The following WTIP variants were observed in gnomAD, a reference collection of about 807,000 sequenced individuals.
WTIP encodes WT1 interacting protein.
Under a neutral mutation model 41.7 loss-of-function variants are expected in WTIP, and 23 were observed. The ratio of observed to expected loss-of-function variants is 0.55; its 90% CI spans 0.40 to 0.78. The LOEUF (loss-of-function observed/expected upper bound fraction) is 0.78. Among genes scored for constraint, WTIP ranks in the 30% least tolerant of loss-of-function variants. The pLI, the probability that WTIP is intolerant of heterozygous loss-of-function variation, is 0.00. For missense variants in WTIP, 619 were observed against 610.5 expected, an observed-to-expected ratio of 1.01 and a Z score of -0.15; for synonymous variants, 314 against 269.9, an observed-to-expected ratio of 1.16 and a Z score of -1.60.
Position 34,500,439 on chromosome 19 carries a change from G to T in WTIP, c.*170G>T, listed in dbSNP as rs566131515. On this transcript the variant is annotated 3_prime_UTR_variant, in exon 8 of 8. Transcript: ENST00000590071. The stretch of plus-strand genomic sequence containing the variant: ...AAGCTTCTATTTATTCACCGTCTGT[G>T]CCTGCTCAAGTCACTTCCCTGCGGG... 9 of 977,024 alleles carry T rather than the reference G, an allele frequency of 9.2e-6. No homozygotes were observed. In the African/African-American group the frequency reaches 9.8e-5, roughly 11 times the overall value. The allele number at this position is 977,024 out of a possible 1,614,324, so 60.5% of individuals were successfully genotyped here.
At position 34,493,498 on chromosome 19, in the gene WTIP, C is replaced by A. The variant is rs2075836716; in HGVS notation, c.907C>A (p.Gln303Lys). The change falls in exon 5 of 8, where the codon CAG (glutamine) becomes AAG (lysine). Residue 303 changes from glutamine to lysine, a missense_variant. This residue lies in a region of WTIP where 164 missense variants were observed against 219.1 expected (regional missense o/e 0.75). Coordinates refer to ENST00000590071, the MANE Select transcript of WTIP (RefSeq NM_001080436.2). The surrounding 1 kb of genome is among the most constrained non-coding windows in gnomAD (Gnocchi z 4.1). ...CAGTGTGCCCCGCCCACAGATCCTGCAGGCCCTGGGCAAGTCCTACCACCC... is the reference window on the plus strand; with the variant it reads ...CAGTGTGCCCCGCCCACAGATCCTGAAGGCCCTGGGCAAGTCCTACCACCC... ...CGHLIMEMIL[Q>K]ALGKSYHPGC... is the part of the protein sequence containing the mutation. The A allele has an allele frequency of 6.2e-7, 1 of 1,613,544 alleles. No individual in the cohort carries two copies. Among genetic ancestry groups the A allele is most frequent in the Non-Finnish European group, 8.5e-7 (1 of 1,179,872 alleles).
Position 34,511,868 on chromosome 19 carries a change from T to A in WTIP, c.*11599T>A, listed in dbSNP as rs2075934462. ...GATTGAATATTCTTACACATTTATT[T>A]GGTGAAGAACTTTTATTTCAAATTA... On this transcript the variant is annotated 3_prime_UTR_variant, in exon 8 of 8. Transcript: ENST00000590071. 2.0e-5 allele frequency: 3 copies of A among 152,208 alleles called. No homozygotes were observed. The highest frequency in any genetic ancestry group is 2.0e-4 in the Admixed American group (3 of 15,284). 9.4% of individuals were successfully genotyped at this position (152,208 alleles called of 1,614,324 possible).
At position 34,508,827 on chromosome 19, in the gene WTIP, C is replaced by G. The variant is rs1028776417; in HGVS notation, c.*8558C>G. 5.9e-5 allele frequency: 9 copies of G among 152,312 alleles called. No homozygotes were observed. Among genetic ancestry groups the G allele is most frequent in the African/African-American group, 2.2e-4 (9 of 41,566 alleles). The allele number at this position is 152,312 out of a possible 1,614,324, so 9.4% of individuals were successfully genotyped here. Reference sequence around the variant, plus strand: ...TCTAGAGAGACGCCTGTAGTAAAATCCGCTCTGTGACGGTGGTGTATAAAC... The same window carrying G: ...TCTAGAGAGACGCCTGTAGTAAAATGCGCTCTGTGACGGTGGTGTATAAAC... On this transcript the variant is annotated 3_prime_UTR_variant, in exon 8 of 8. Coordinates refer to ENST00000590071, the MANE Select transcript of WTIP (RefSeq NM_001080436.2).
At chr19:34,492,361 T>A (rs2075829821) in intron 2 of WTIP, among the ~76,000 whole-genome samples, 1 of 148,420 alleles carries the variant, frequency 6.7e-6, no homozygotes, top group African/African-American at 2.5e-5. Context: ...GCGATGCTCC[T>A]GCCTCAGCCT....
chr19:34,487,498 G>T (rs1353529692), intron 1 of WTIP, among the ~76,000 whole-genome samples: 1 of 150,348 alleles, frequency 6.7e-6, no homozygotes, highest in Non-Finnish European at 1.5e-5. Flanking sequence ...ACCCAGGAAA[G>T]CAGGAAGGGA....
Position 34,483,949 on chromosome 19 carries a change from A to G in WTIP, c.667+1308A>G, listed in dbSNP as rs1391503718. Among the ~76,000 whole-genome samples, 6 of 99,476 alleles carry G rather than the reference A, an allele frequency of 6.0e-5. No homozygotes were observed. The East Asian group carries it at 1.5e-3, about 24-fold the overall frequency. 65.3% of individuals were successfully genotyped at this position (99,476 alleles called of 152,430 possible). On this transcript the variant is annotated intron_variant, in intron 1 of 7. Coordinates refer to ENST00000590071, the MANE Select transcript of WTIP (RefSeq NM_001080436.2). ...TTTTTTTTTTTTTTTTTTTTTTGAG[A>G]CGGAATCTCGCTCTGTCGCCAGGCT...
chr19:34,499,315 G>A (rs1476876217), intron 7 of WTIP, among the ~76,000 whole-genome samples: 1 of 151,950 alleles, frequency 6.6e-6, no homozygotes, highest in Non-Finnish European at 1.5e-5. Flanking sequence ...TTCTAGACCA[G>A]CCTGAGCAAC....
At chr19:34,497,883 G>A (rs547394051) in intron 7 of WTIP, among the ~76,000 whole-genome samples, 3 of 152,304 alleles carry the variant, frequency 2.0e-5, no homozygotes, top group East Asian at 1.9e-4. Context: ...TGGACTGTGC[G>A]GTCCCCTGCA....
At chr19:34,499,701 CTTT>C (rs34005738) in intron 7 of WTIP, among the ~76,000 whole-genome samples, 1 of 140,094 alleles carries the variant, frequency 7.1e-6, no homozygotes. Flanking sequence ...GAGGAAGAGT[CTTT>C]TTTTTTTTTT....
In WTIP at chr19:34,501,959, C is replaced by CTT. The variant is rs562675000; in HGVS notation, c.*1702_*1703dup. ...GCTGAGCTGCTTTTTCTTTTCTTTT[C>CTT]TTTTTTTTTTTTTGAGACGGAGTGT... On this transcript the variant is annotated 3_prime_UTR_variant, in exon 8 of 8. Transcript: ENST00000590071. 6.1e-5 allele frequency: 7 copies of CTT among 115,614 alleles called. No individual in the cohort carries two copies. Among genetic ancestry groups the CTT allele is most frequent in the Non-Finnish European group, 1.2e-4 (6 of 52,058 alleles). The allele number at this position is 115,614 out of a possible 1,614,324, so 7.2% of individuals were successfully genotyped here. A position where few individuals can be genotyped will look rare whatever the true frequency, so the allele number is the denominator to read the frequency against.
In WTIP at chr19:34,481,912, C is replaced by T; in HGVS notation, c.-63C>T. 1.0e-6 allele frequency: 1 copy of T among 953,250 alleles called. No individual in the cohort carries two copies. The highest frequency in any genetic ancestry group is 1.2e-6 in the Non-Finnish European group (1 of 801,576). The allele number at this position is 953,250 out of a possible 1,614,324, so 59.0% of individuals were successfully genotyped here. ...GGCTTCGGGCGGACGATGCGGCGGC[C>T]CGGCCGGAGCGGCGGCGGGAAGCGG... On this transcript the variant is annotated 5_prime_UTR_variant, in exon 1 of 8. Transcript: ENST00000590071.
Position 34,504,444 on chromosome 19 carries a change from C to T in WTIP, c.*4175C>T, listed in dbSNP as rs1281105232. 1 of 152,012 alleles carries T rather than the reference C, an allele frequency of 6.6e-6. No individual in the cohort carries two copies. The highest frequency in any genetic ancestry group is 1.9e-4 in the East Asian group (1 of 5,174). The allele number at this position is 152,012 out of a possible 1,614,324, so 9.4% of individuals were successfully genotyped here. ...GTGTCTGTGTGTGTGTTGGCGTCGC[C>T]CTGATGGCCTCTTGGAGGGTCCTGG... On this transcript the variant is annotated 3_prime_UTR_variant, in exon 8 of 8. Coordinates refer to ENST00000590071, the MANE Select transcript of WTIP (RefSeq NM_001080436.2).
At chr19:34,495,640 C>T (rs954985137) in intron 6 of WTIP, 63 bp from the exon 7 acceptor site, 19 of 1,574,736 alleles carry the variant, frequency 1.2e-5, no homozygotes, top group Admixed American at 1.7e-5. Context: ...GGAGTGTACA[C>T]TCACGCAGTT....
Position 34,495,688 on chromosome 19 carries a change from C to G in WTIP, c.1084-15C>G, listed in dbSNP as rs551506963. 1 of 1,613,558 alleles carries G rather than the reference C, an allele frequency of 6.2e-7. No homozygotes were observed. Among genetic ancestry groups the G allele is most frequent in the Non-Finnish European group, 8.5e-7 (1 of 1,179,686 alleles). Reference sequence around the variant, plus strand: ...CCACATGCTCATCGTGTGTGAACTCCTTCTCTTCCTCCAGGGCTGCGAGAC... The same window carrying G: ...CCACATGCTCATCGTGTGTGAACTCGTTCTCTTCCTCCAGGGCTGCGAGAC... On this transcript the variant is annotated splice_polypyrimidine_tract_variant and intron_variant, in intron 6 of 7. Coordinates refer to ENST00000590071, the MANE Select transcript of WTIP (RefSeq NM_001080436.2).
intron 2 of WTIP, among the ~76,000 whole-genome samples, chr19:34,492,281 A>T (rs1354257663): frequency 7.1e-6 from 1 of 140,934 alleles, no homozygotes; most frequent in Non-Finnish European, 1.6e-5. Flanking sequence ...CGACTGGCTA[A>T]TTTTTTTTTT....
At chr19:34,497,008 A>G (rs539234153) in intron 7 of WTIP, among the ~76,000 whole-genome samples, 23 of 152,096 alleles carry the variant, frequency 1.5e-4, no homozygotes, top group South Asian at 8.3e-4. Flanking sequence ...GACTACAGGC[A>G]CCCACCACCA....
At position 34,490,481 on chromosome 19, in the gene WTIP, G is replaced by T; in HGVS notation, c.769+4G>T. ...TGCTTCACCTGCGACTCGTGTGGTA[G>T]GTAACCTCGTGCCCTGGGTAGCTCT... On this transcript the variant is annotated splice_donor_region_variant and intron_variant, in intron 2 of 7. Transcript: ENST00000590071. 1 of 1,613,820 alleles carries T rather than the reference G, an allele frequency of 6.2e-7. No individual in the cohort carries two copies. The highest frequency in any genetic ancestry group is 8.5e-7 in the Non-Finnish European group (1 of 1,179,740).
chr19:34,488,353 C>T (rs11881554), intron 1 of WTIP, among the ~76,000 whole-genome samples: 29 of 151,920 alleles, frequency 1.9e-4, no homozygotes, highest in Admixed American at 1.8e-3. Flanking sequence ...AGATTACAGG[C>T]GTGAGCCATT....
chr19:34,492,924 C>A (rs2075832995), intron 2 of WTIP, 113 bp from the exon 3 acceptor site: 1 of 987,388 alleles, frequency 1.0e-6, no homozygotes, highest in Non-Finnish European at 1.6e-6. Flanking sequence ...ATTTAGAAAA[C>A]CACCCATAAC....
Sources: gnomAD v4.1 joint callset for allele counts (sites outside exome capture counted in the v4.1 genomes callset) on GRCh38, gnomAD v4.1.1 for gene constraint, gnomAD v4.1.1 regional missense constraint, Gnocchi (gnomAD v3.1) non-coding constraint, MANE v1.5 for transcripts, NCBI Gene and HGNC (gene_info 2026-07-23, HGNC 2026-07-21) for gene names.